The following DSCAML1 variants were observed in gnomAD, a reference collection of about 807,000 sequenced individuals.
DSCAML1 encodes cell adhesion molecule DSCAML1.
In DSCAML1, 38 loss-of-function variants were observed where a neutral mutation model predicts 200.5. The ratio of observed to expected loss-of-function variants is 0.19; its 90% CI spans 0.15 to 0.25. The LOEUF (loss-of-function observed/expected upper bound fraction) is 0.25. DSCAML1 is among the 10% of genes least tolerant of loss of function. The pLI is 1.00. For synonymous variants in DSCAML1, 1,215 were observed against 1,165.0 expected (o/e 1.04, Z -0.87); for missense variants, 2,223 against 2,858.8 (o/e 0.78, Z 5.07).
At chr11:117,814,897 A>T (rs1237454226) in intron 1 of DSCAML1, among the ~76,000 whole-genome samples, 5 of 152,244 alleles carry the variant, frequency 3.3e-5, no homozygotes. Context: ...GTCCTCGGAC[A>T]TGAGACCTGA....
At chr11:117,545,041 C>A (rs1268004261) in intron 3 of DSCAML1, among the ~76,000 whole-genome samples, 1 of 151,598 alleles carries the variant, frequency 6.6e-6, no homozygotes, top group Non-Finnish European at 1.5e-5. Flanking sequence ...ACCAGCCTGG[C>A]CAAGATGAAA....
At chr11:117,614,074 G>A (rs191003259) in intron 3 of DSCAML1, among the ~76,000 whole-genome samples, 167 of 152,226 alleles carry the variant, frequency 1.1e-3, no homozygotes, top group African/African-American at 3.7e-3. Flanking sequence ...AGGGGCTACA[G>A]GGAAGAAAAG....
chr11:117,599,570 G>T (rs764556066), intron 3 of DSCAML1, among the ~76,000 whole-genome samples: 1 of 152,140 alleles, frequency 6.6e-6, no homozygotes, highest in South Asian at 2.1e-4. Context: ...CAGCAGCACC[G>T]TAGCCCCTCT....
chr11:117,649,859 C>G (rs1477686005), intron 3 of DSCAML1, among the ~76,000 whole-genome samples: 1 of 152,158 alleles, frequency 6.6e-6, no homozygotes, highest in Non-Finnish European at 1.5e-5. Flanking sequence ...TGCCTCCGCC[C>G]CAGCCTGCCA....
chr11:117,622,885 A>G (rs2051963126), intron 3 of DSCAML1, among the ~76,000 whole-genome samples: 1 of 152,168 alleles, frequency 6.6e-6, no homozygotes, highest in Non-Finnish European at 1.5e-5. Flanking sequence ...TATATAAATA[A>G]TTATGTTTAC....
intron 32 of DSCAML1, among the ~76,000 whole-genome samples, chr11:117,429,737 C>T (rs1171132704): frequency 6.6e-6 from 1 of 152,208 alleles, no homozygotes; most frequent in African/African-American, 2.4e-5. Context: ...CGCCTGACCC[C>T]CCGTGCTCCA....
chr11:117,656,614 C>T (rs2052742349), intron 3 of DSCAML1, among the ~76,000 whole-genome samples: 1 of 151,904 alleles, frequency 6.6e-6, no homozygotes, highest in Non-Finnish European at 1.5e-5. Flanking sequence ...CTACAATTTT[C>T]TTTTACAGAT....
chr11:117,700,552 C>T (rs2053649339), intron 3 of DSCAML1, among the ~76,000 whole-genome samples: 1 of 152,240 alleles, frequency 6.6e-6, no homozygotes, highest in Admixed American at 6.5e-5. Context: ...AGATGTAGCA[C>T]ACGTGAGGCC....
At chr11:117,654,950 C>A (rs2052703858) in intron 3 of DSCAML1, among the ~76,000 whole-genome samples, 1 of 152,230 alleles carries the variant, frequency 6.6e-6, no homozygotes, top group Admixed American at 6.5e-5. Context: ...TCAGACACAA[C>A]AGTCTCCCGA....
chr11:117,713,870 C>T (rs2053898200), intron 3 of DSCAML1, among the ~76,000 whole-genome samples: 1 of 152,172 alleles, frequency 6.6e-6, no homozygotes, highest in Non-Finnish European at 1.5e-5. Context: ...AGGGAAGTCC[C>T]TGGAACCACC....
intron 3 of DSCAML1, among the ~76,000 whole-genome samples, chr11:117,709,336 TTGCAGATGGC>T (rs1272562462): frequency 6.6e-6 from 1 of 152,106 alleles, no homozygotes; most frequent in Non-Finnish European, 1.5e-5. Context: ...TCCCCTTGGG[TTGCAGATGGC>T]TGCCTTCTTG....
chr11:117,751,560 A>G (rs1209424125), intron 3 of DSCAML1, among the ~76,000 whole-genome samples: 3 of 152,078 alleles, frequency 2.0e-5, no homozygotes, highest in Admixed American at 1.3e-4. Context: ...CAGGCAAGAG[A>G]AGAAGGCACC....
At chr11:117,741,927 C>T (rs1312046240) in intron 3 of DSCAML1, among the ~76,000 whole-genome samples, 1 of 152,178 alleles carries the variant, frequency 6.6e-6, no homozygotes, top group Non-Finnish European at 1.5e-5. Flanking sequence ...GAAAATTGGA[C>T]CCTGGTGGCC....
At chr11:117,568,603 G>A (rs1481396530) in intron 3 of DSCAML1, among the ~76,000 whole-genome samples, 5 of 151,966 alleles carry the variant, frequency 3.3e-5, no homozygotes, top group African/African-American at 9.7e-5. Context: ...CAAATCATGA[G>A]TGAACTCCCA....
chr11:117,779,226 T>G (rs2055188189), intron 2 of DSCAML1, among the ~76,000 whole-genome samples: 1 of 152,124 alleles, frequency 6.6e-6, no homozygotes, highest in Non-Finnish European at 1.5e-5. Context: ...CTCTTCTAAG[T>G]TGAAAACCAT....
intron 3 of DSCAML1, among the ~76,000 whole-genome samples, chr11:117,760,966 T>A (rs1214899362): frequency 6.6e-6 from 1 of 152,068 alleles, no homozygotes; most frequent in Non-Finnish European, 1.5e-5. Context: ...TCTAGCCCTA[T>A]CCCTACCACA....
chr11:117,803,733 C>T (rs1215684849), intron 1 of DSCAML1, among the ~76,000 whole-genome samples: 1 of 152,222 alleles, frequency 6.6e-6, no homozygotes, highest in African/African-American at 2.4e-5. Flanking sequence ...GGTCTTAAGT[C>T]TGTATGTCAA....
intron 30 of DSCAML1, among the ~76,000 whole-genome samples, chr11:117,432,085 A>G (rs757000702): frequency 3.9e-5 from 6 of 152,140 alleles, no homozygotes; most frequent in Non-Finnish European, 5.9e-5. Context: ...AGATAGAAAG[A>G]CCCTTGGAGA....
At chr11:117,483,725 C>A (rs1342114772) in intron 11 of DSCAML1, among the ~76,000 whole-genome samples, 5 of 152,292 alleles carry the variant, frequency 3.3e-5, no homozygotes, top group African/African-American at 1.2e-4. Context: ...CGGGGCAGGT[C>A]CCAGGAAGGT....
Sources: allele counts gnomAD v4.1 joint callset (sites outside exome capture counted in the v4.1 genomes callset), GRCh38; gene constraint gnomAD v4.1.1; transcripts MANE v1.5; gene names NCBI Gene and HGNC (gene_info 2026-07-23, HGNC 2026-07-21).